The following DCP2 variants were observed in gnomAD, a reference collection of about 807,000 sequenced individuals.
The protein encoded by DCP2 is m7GpppN-mRNA hydrolase.
In DCP2, 30 loss-of-function variants were observed where a neutral mutation model predicts 56.1. The observed-to-expected ratio is 0.53, with a 90% CI of 0.40 to 0.73. DCP2 has a LOEUF of 0.73. DCP2 is among the 30% of genes least tolerant of loss of function. DCP2 has a pLI of 0.00. For missense variants in DCP2, 533 were observed against 502.7 expected (o/e 1.06, Z -0.58); for synonymous variants, 197 against 163.3 (o/e 1.21, Z -1.57).
intron 8 of DCP2, among the ~76,000 whole-genome samples, chr5:113,007,365 G>A (rs1413878115): frequency 6.8e-6 from 1 of 147,896 alleles, no homozygotes; most frequent in Non-Finnish European, 1.5e-5. Context: ...TAAGGCAAGA[G>A]GTGTGGAAAG....
chr5:113,012,932 A>G (rs553088495), intron 10 of DCP2, among the ~76,000 whole-genome samples: 53 of 152,308 alleles, frequency 3.5e-4, no homozygotes, highest in East Asian at 2.7e-3. Context: ...GTGAGCCACC[A>G]TGCCTGGCCA....
chr5:112,980,453 C>T (rs1747949513), intron 1 of DCP2, among the ~76,000 whole-genome samples: 1 of 152,210 alleles, frequency 6.6e-6, no homozygotes, highest in South Asian at 2.1e-4. Flanking sequence ...TGCTAATGTC[C>T]TGTTTGTAGG....
rs570749510 is a variant in DCP2 at position 112,989,131 on chromosome 5, A to G, written c.206-2990A>G. On this transcript the variant is annotated intron_variant, in intron 2 of 10. Coordinates refer to ENST00000389063, the MANE Select transcript of DCP2 (RefSeq NM_152624.6). ...ATGAGAAAAGACAGGAAAGGAAATG[A>G]TTACAGTGCAGTGTGGTAGGATGTG... Among the ~76,000 whole-genome samples, 3 of 152,322 alleles carry G rather than the reference A, an allele frequency of 2.0e-5. No individual in the cohort carries two copies. The South Asian group carries it at 6.2e-4, about 32-fold the overall frequency.
Position 112,976,826 on chromosome 5 carries a change from C to A in DCP2, c.-108C>A. ...GTCTCCGTTGGAGTCGTCTCTGCCG[C>A]GGCTTCCTCGGCTGCCAGCTCTCCG... On this transcript the variant is annotated 5_prime_UTR_variant, in exon 1 of 11. Coordinates refer to ENST00000389063, the MANE Select transcript of DCP2 (RefSeq NM_152624.6). 2 of 1,136,004 alleles carry A rather than the reference C, an allele frequency of 1.8e-6. No homozygotes were observed. The highest frequency in any genetic ancestry group is 2.7e-6 in the Non-Finnish European group (2 of 743,424). 70.4% of individuals were successfully genotyped at this position (1,136,004 alleles called of 1,614,324 possible).
intron 1 of DCP2, among the ~76,000 whole-genome samples, chr5:112,984,843 T>A (rs919469409): frequency 6.6e-6 from 1 of 150,726 alleles, no homozygotes; most frequent in East Asian, 1.9e-4. Context: ...CAGCTAGGAC[T>A]ACAGATGCAT....
In DCP2 at chr5:113,014,989, A is replaced by G. The variant is rs1451482347; in HGVS notation, c.*1505A>G. ...TAAATGGCTTGATTTTAAAGGAGAA[A>G]TTCTATTTATTAATGAAAGTGTCAC... On this transcript the variant is annotated 3_prime_UTR_variant, in exon 11 of 11. Transcript: ENST00000389063. 1 of 152,626 alleles carries G rather than the reference A, an allele frequency of 6.6e-6. No homozygotes were observed. Among genetic ancestry groups the G allele is most frequent in the African/African-American group, 2.4e-5 (1 of 41,436 alleles). The allele number at this position is 152,626 out of a possible 1,614,324, so 9.5% of individuals were successfully genotyped here.
At chr5:112,977,315 C>T (rs1353503894) in intron 1 of DCP2, among the ~76,000 whole-genome samples, 1 of 152,204 alleles carries the variant, frequency 6.6e-6, no homozygotes, top group Non-Finnish European at 1.5e-5. Context: ...CGCCGCCTCC[C>T]TCTCCCATTG....
At chr5:112,982,026 C>A (rs987096933) in intron 1 of DCP2, among the ~76,000 whole-genome samples, 4 of 152,188 alleles carry the variant, frequency 2.6e-5, no homozygotes, top group Non-Finnish European at 5.9e-5. Context: ...CCATGGCCTC[C>A]CAAAGTGCTG....
At chr5:112,999,779 G>A (rs1169449454) in intron 4 of DCP2, among the ~76,000 whole-genome samples, 4 of 151,762 alleles carry the variant, frequency 2.6e-5, no homozygotes, top group African/African-American at 4.8e-5. Flanking sequence ...ACAGGCGTGC[G>A]GCCGGGCATG....
chr5:113,000,167 A>C (rs182731241), intron 4 of DCP2, among the ~76,000 whole-genome samples: 631 of 152,022 alleles, frequency 4.2e-3, no homozygotes, highest in Non-Finnish European at 6.9e-3. Flanking sequence ...ACTGTTGCCT[A>C]GAATGGTCTC....
At chr5:112,984,666 T>C (rs1057071606) in intron 1 of DCP2, 1 of 121,984 alleles carries the variant, frequency 8.2e-6, no homozygotes, top group African/African-American at 3.3e-5. Flanking sequence ...AGTGTTGCAG[T>C]GTTGTTTTTA....
rs796465573 is a variant in DCP2 at position 113,014,996 on chromosome 5, T to G, written c.*1512T>G. The G allele has an allele frequency of 6.6e-6, 1 of 152,650 alleles. No individual in the cohort carries two copies. The highest frequency in any genetic ancestry group is 2.4e-5 in the African/African-American group (1 of 41,452). 9.5% of individuals were successfully genotyped at this position (152,650 alleles called of 1,614,324 possible). A position where few individuals can be genotyped will look rare whatever the true frequency, so the allele number is the denominator to read the frequency against. ...CTTGATTTTAAAGGAGAAATTCTAT[T>G]TATTAATGAAAGTGTCACCCTTTTG... On this transcript the variant is annotated 3_prime_UTR_variant, in exon 11 of 11. Transcript: ENST00000389063.
chr5:113,010,828 T>C (rs754195128), intron 10 of DCP2, 21 bp downstream of exon 10: 3 of 1,594,384 alleles, frequency 1.9e-6, no homozygotes, highest in Non-Finnish European at 1.7e-6. Context: ...TCCTATCTTT[T>C]TATAATCTCT....
intron 4 of DCP2, among the ~76,000 whole-genome samples, chr5:112,999,035 A>C (rs974584398): frequency 2.6e-5 from 4 of 152,206 alleles, no homozygotes; most frequent in African/African-American, 9.7e-5. Flanking sequence ...TTTAATTGAC[A>C]CGTCTCTTCA....
intron 4 of DCP2, among the ~76,000 whole-genome samples, chr5:112,993,399 C>T (rs1405205964): frequency 1.3e-5 from 2 of 152,002 alleles, no homozygotes; most frequent in African/African-American, 2.4e-5. Flanking sequence ...CCGAGTCAGG[C>T]GGATCACCTG....
At chr5:112,991,645 A>G (rs1257681823) in intron 2 of DCP2, among the ~76,000 whole-genome samples, 1 of 152,114 alleles carries the variant, frequency 6.6e-6, no homozygotes, top group Non-Finnish European at 1.5e-5. Context: ...TTCTGATGTG[A>G]TAGTTTCTTT....
At chr5:112,990,613 A>C (rs1748539077) in intron 2 of DCP2, among the ~76,000 whole-genome samples, 7 of 152,132 alleles carry the variant, frequency 4.6e-5, no homozygotes, top group African/African-American at 1.7e-4. Flanking sequence ...CTTGTCTTAA[A>C]AAAAAAATTG....
intron 2 of DCP2, among the ~76,000 whole-genome samples, chr5:112,986,459 C>T (rs891321869): frequency 9.2e-5 from 14 of 151,816 alleles, no homozygotes; most frequent in Admixed American, 1.3e-4. Flanking sequence ...CCTAGCCTCT[C>T]GAGTGGCTGT....
At chr5:112,997,098 A>C (rs141499048) in intron 4 of DCP2, among the ~76,000 whole-genome samples, 1 of 152,170 alleles carries the variant, frequency 6.6e-6, no homozygotes, top group Non-Finnish European at 1.5e-5. Context: ...GGATTTGGCT[A>C]TTAGCTCTTT....
Sources: allele counts gnomAD v4.1 joint callset (sites outside exome capture counted in the v4.1 genomes callset), GRCh38; gene constraint gnomAD v4.1.1; transcripts MANE v1.5; gene names NCBI Gene and HGNC (gene_info 2026-07-23, HGNC 2026-07-21).